HDAC9: variants seen among roughly 807,000 people sequenced by gnomAD.
The protein encoded by HDAC9 is MEF-2 interacting transcription repressor (MITR) protein.
HDAC9 carries 41 observed loss-of-function variants against 139.4 expected under a neutral mutation model. The ratio of observed to expected loss-of-function variants is 0.29; its 90% CI spans 0.23 to 0.38. The LOEUF (loss-of-function observed/expected upper bound fraction) is 0.38. HDAC9 is among the 10% of genes least tolerant of loss of function. The probability of loss-of-function intolerance (pLI) is 1.00; values close to 1 mark genes in which losing one functional copy is unlikely to be tolerated. For synonymous variants in HDAC9, 517 were observed against 476.2 expected (o/e 1.09, Z -1.12); for missense variants, 1,147 against 1,297.0 (o/e 0.88, Z 1.78).
chr7:18,224,971 AGAT>A (rs1271176557), intron 2 of HDAC9, among the ~76,000 whole-genome samples: 6 of 152,232 alleles, frequency 3.9e-5, no homozygotes, highest in African/African-American at 1.4e-4. Flanking sequence ...AGCAAAGTAA[AGAT>A]GATGGAAGTT....
intron 2 of HDAC9, among the ~76,000 whole-genome samples, chr7:18,273,681 CAAAG>C (rs959929267): frequency 3.3e-5 from 5 of 151,992 alleles, no homozygotes; most frequent in African/African-American, 1.2e-4. Flanking sequence ...GCACTAATCT[CAAAG>C]GAAGGGATTA....
At chr7:18,167,564 TC>T (rs1788091803) in intron 2 of HDAC9, among the ~76,000 whole-genome samples, 1 of 152,216 alleles carries the variant, frequency 6.6e-6, no homozygotes, top group African/African-American at 2.4e-5. Context: ...CTGCTGTTTT[TC>T]TAATGGCTAC....
At chr7:18,289,296 G>T (rs1316363073), upstream of HDAC9, among the ~76,000 whole-genome samples, 3 of 152,086 alleles carry the variant, frequency 2.0e-5, no homozygotes, top group Admixed American at 6.6e-5. Context: ...AATTATAAAA[G>T]AGACTTAGGA....
At chr7:18,204,128 A>G (rs969797156) in intron 2 of HDAC9, among the ~76,000 whole-genome samples, 8 of 152,136 alleles carry the variant, frequency 5.3e-5, no homozygotes, top group Non-Finnish European at 1.5e-5. Context: ...GGTAAAAAAA[A>G]TTTAGTGACA....
At chr7:18,652,611 C>T (rs1789657530) in intron 11 of HDAC9, among the ~76,000 whole-genome samples, 1 of 152,190 alleles carries the variant, frequency 6.6e-6, no homozygotes, top group Non-Finnish European at 1.5e-5. Context: ...CATGCCCCAT[C>T]CCCTTGACAA....
intron 6 of HDAC9, among the ~76,000 whole-genome samples, chr7:18,595,513 G>A (rs998012448): frequency 3.3e-5 from 5 of 152,088 alleles, no homozygotes; most frequent in African/African-American, 1.2e-4. Context: ...TGAGTAGCAT[G>A]AGTAGGAGCT....
chr7:18,417,228 G>T (rs926357736), intron 1 of HDAC9, among the ~76,000 whole-genome samples: 2 of 151,998 alleles, frequency 1.3e-5, no homozygotes, highest in African/African-American at 4.8e-5. Flanking sequence ...CCTATCCATT[G>T]TATATTTTAA....
intron 8 of HDAC9, among the ~76,000 whole-genome samples, chr7:18,643,140 C>G (rs973928213): frequency 2.6e-5 from 4 of 152,042 alleles, no homozygotes; most frequent in Admixed American, 6.6e-5. Context: ...TCTATACTTA[C>G]AATTTTCGTG....
At chr7:18,412,570 T>C (rs1323648265) in intron 1 of HDAC9, among the ~76,000 whole-genome samples, 2 of 152,202 alleles carry the variant, frequency 1.3e-5, no homozygotes, top group Non-Finnish European at 2.9e-5. Flanking sequence ...TCCTGTTAGA[T>C]GAGGATCCGG....
At position 18,554,357 on chromosome 7, in the gene HDAC9, G is replaced by A. The variant is rs761205640; in HGVS notation, c.23-30924G>A. 7.4e-4 allele frequency among the ~76,000 whole-genome samples: 67 copies of A among 90,676 alleles called. 1 individual carries two copies. The highest frequency in any genetic ancestry group is 6.9e-3 in the Admixed American group (40 of 5,778). 59.5% of individuals were successfully genotyped at this position (90,676 alleles called of 152,430 possible). ...TTTTTTTTTTTTTTTTTTTTTTTGA[G>A]ACGGAGTCTCTGTCATCACCCAGGC... On this transcript the variant is annotated intron_variant, in intron 2 of 25. Coordinates refer to ENST00000686413, the MANE Select transcript of HDAC9 (RefSeq NM_178425.4).
At chr7:18,846,949 G>A (rs893858938) in intron 21 of HDAC9, among the ~76,000 whole-genome samples, 1 of 152,174 alleles carries the variant, frequency 6.6e-6, no homozygotes, top group Non-Finnish European at 1.5e-5. Context: ...TTTGAAAAGT[G>A]CGTGTGGAAG....
At chr7:18,411,254 A>AT (rs1788517425) in intron 1 of HDAC9, among the ~76,000 whole-genome samples, 1 of 152,208 alleles carries the variant, frequency 6.6e-6, no homozygotes, top group Non-Finnish European at 1.5e-5. Context: ...TTGACGTAAG[A>AT]TTTTTTTGAC....
chr7:18,268,352 T>C (rs1253395179), intron 2 of HDAC9, among the ~76,000 whole-genome samples: 1 of 152,146 alleles, frequency 6.6e-6, no homozygotes, highest in African/African-American at 2.4e-5. Flanking sequence ...ATACCTGTAA[T>C]ATTTAGCACA....
intron 1 of HDAC9, among the ~76,000 whole-genome samples, chr7:18,369,201 T>A (rs569521776): frequency 6.6e-6 from 1 of 152,238 alleles, no homozygotes; most frequent in South Asian, 2.1e-4. Flanking sequence ...CAATTCTGGA[T>A]TGTTGTAAAT....
At chr7:18,211,086 G>A (rs1584656996) in intron 2 of HDAC9, among the ~76,000 whole-genome samples, 1 of 152,248 alleles carries the variant, frequency 6.6e-6, no homozygotes, top group East Asian at 1.9e-4. Flanking sequence ...TTATAGCTGT[G>A]GAATGAGAAT....
At chr7:18,682,725 A>T (rs921076270) in intron 12 of HDAC9, among the ~76,000 whole-genome samples, 3 of 151,860 alleles carry the variant, frequency 2.0e-5, no homozygotes, top group Non-Finnish European at 4.4e-5. Context: ...AGAAATAGAG[A>T]TCTTAAAAAT....
intron 22 of HDAC9, among the ~76,000 whole-genome samples, chr7:18,898,432 A>T (rs559622747): frequency 6.6e-6 from 1 of 151,964 alleles, no homozygotes; most frequent in Non-Finnish European, 1.5e-5. Context: ...TTATATTTTC[A>T]GAAAAATAAT....
intron 1 of HDAC9, among the ~76,000 whole-genome samples, chr7:18,448,458 C>CT (rs2128099946): frequency 6.6e-6 from 1 of 152,118 alleles, no homozygotes; most frequent in South Asian, 2.1e-4. Context: ...GGTACCTTTT[C>CT]TTTAAAGATT....
intron 2 of HDAC9, among the ~76,000 whole-genome samples, chr7:18,257,438 A>AC (rs1562802142): frequency 0.031 from 4,077 of 132,242 alleles, 89 homozygotes; most frequent in East Asian, 0.095. Flanking sequence ...CACACACACA[A>AC]AAAGAAAAAA....
Sources: gnomAD v4.1 joint callset for allele counts (sites outside exome capture counted in the v4.1 genomes callset) on GRCh38, gnomAD v4.1.1 for gene constraint, MANE v1.5 for transcripts, NCBI Gene and HGNC (gene_info 2026-07-23, HGNC 2026-07-21) for gene names.